The following PKHD1 variants were observed in gnomAD, a reference collection of about 807,000 sequenced individuals.
PKHD1 encodes the protein PKHD1 ciliary IPT domain containing fibrocystin/polyductin.
Under a neutral mutation model 412.0 loss-of-function variants are expected in PKHD1, and 291 were observed. The ratio of observed to expected loss-of-function variants is 0.71; its 90% CI spans 0.64 to 0.78. PKHD1 has a LOEUF of 0.78. Ranked by LOEUF, PKHD1 falls within the 30% of genes least tolerant of loss-of-function variation. PKHD1 has a pLI of 0.00. For synonymous variants in PKHD1, 1,777 were observed against 1,821.5 expected, an observed-to-expected ratio of 0.98 and a Z score of 0.62; for missense variants, 4,825 against 4,950.7, an observed-to-expected ratio of 0.97 and a Z score of 0.76.
At chr6:51,779,666 A>T (rs1791650763) in intron 53 of PKHD1, among the ~76,000 whole-genome samples, 1 of 152,176 alleles carries the variant, frequency 6.6e-6, no homozygotes, top group Non-Finnish European at 1.5e-5. Flanking sequence ...AGTAAATTAC[A>T]ACTTTTAAGC....
intron 35 of PKHD1, among the ~76,000 whole-genome samples, chr6:51,992,536 G>A (rs1378344101): frequency 6.6e-6 from 1 of 152,182 alleles, no homozygotes; most frequent in African/African-American, 2.4e-5. Flanking sequence ...CGCTGGCATG[G>A]CTCTCCCAAT....
intron 43 of PKHD1, 67 bp downstream of exon 43, chr6:51,903,530 C>G: frequency 7.0e-7 from 1 of 1,434,858 alleles, no homozygotes; most frequent in Admixed American, 1.7e-5. Context: ...AGGTTGGACA[C>G]CCCTGATTGA....
At chr6:51,642,704 G>A (rs1423438735) in intron 63 of PKHD1, among the ~76,000 whole-genome samples, 5 of 152,120 alleles carry the variant, frequency 3.3e-5, no homozygotes, top group African/African-American at 7.2e-5. Flanking sequence ...GCCAGGTGTG[G>A]TGGTGGGCAC....
At chr6:51,792,864 T>C (rs914104066) in intron 52 of PKHD1, among the ~76,000 whole-genome samples, 7 of 152,190 alleles carry the variant, frequency 4.6e-5, no homozygotes, top group Non-Finnish European at 7.4e-5. Context: ...TGACACCCTG[T>C]ACATACATCT....
intron 64 of PKHD1, among the ~76,000 whole-genome samples, chr6:51,635,936 AGG>A (rs1020049225): frequency 6.8e-6 from 1 of 147,794 alleles, no homozygotes; most frequent in Non-Finnish European, 1.5e-5. Context: ...GCAGCCCCTG[AGG>A]GCCTCCTGAG....
At chr6:51,839,821 G>A (rs887696473) in intron 50 of PKHD1, among the ~76,000 whole-genome samples, 1 of 151,198 alleles carries the variant, frequency 6.6e-6, no homozygotes, top group African/African-American at 2.4e-5. Context: ...CACATATTAG[G>A]ACCTCTCACT....
At chr6:51,923,973 G>T (rs763884351) in intron 37 of PKHD1, among the ~76,000 whole-genome samples, 21 of 152,164 alleles carry the variant, frequency 1.4e-4, no homozygotes, top group Non-Finnish European at 2.4e-4. Context: ...TCTCTAAAAT[G>T]AAAGTAACGA....
At chr6:51,671,217 T>C (rs1774909726) in intron 60 of PKHD1, among the ~76,000 whole-genome samples, 1 of 152,008 alleles carries the variant, frequency 6.6e-6, no homozygotes, top group Non-Finnish European at 1.5e-5. Context: ...TTTCACATAG[T>C]CCCATATTTC....
chr6:51,939,514 C>A (rs1788125434), intron 36 of PKHD1, among the ~76,000 whole-genome samples: 1 of 151,560 alleles, frequency 6.6e-6, no homozygotes. Context: ...TTTTCTTCTG[C>A]AATGCCACTT....
intron 43 of PKHD1, among the ~76,000 whole-genome samples, chr6:51,890,890 C>T (rs1297973021): frequency 6.6e-6 from 1 of 152,168 alleles, no homozygotes; most frequent in East Asian, 1.9e-4. Context: ...TGAGGACTGG[C>T]TTCTGACACA....
Position 51,616,040 on chromosome 6 carries a change from A to G in PKHD1, c.*3041T>C, listed in dbSNP as rs1766032892. 1 of 152,066 alleles carries G rather than the reference A, an allele frequency of 6.6e-6. No homozygotes were observed. Among genetic ancestry groups the G allele is most frequent in the Non-Finnish European group, 1.5e-5 (1 of 68,032 alleles). 9.4% of individuals were successfully genotyped at this position (152,066 alleles called of 1,614,324 possible). A position where few individuals can be genotyped will look rare whatever the true frequency, so the allele number is the denominator to read the frequency against. ...TACTTCTTTCTCAATTTTGAAATCTATAAATATTTATAGATGTTCTTTATT... is the reference window on the plus strand; with the variant it reads ...TACTTCTTTCTCAATTTTGAAATCTGTAAATATTTATAGATGTTCTTTATT... On this transcript the variant is annotated 3_prime_UTR_variant, in exon 67 of 67. Coordinates refer to ENST00000371117, the MANE Select transcript of PKHD1 (RefSeq NM_138694.4).
chr6:51,814,273 T>A (rs546551676), intron 52 of PKHD1, among the ~76,000 whole-genome samples: 1 of 152,326 alleles, frequency 6.6e-6, no homozygotes, highest in South Asian at 2.1e-4. Flanking sequence ...CAAGAAGAGT[T>A]ACTCTACGAT....
In PKHD1 at chr6:52,010,329, G is replaced by A. The variant is rs149553146; in HGVS notation, c.5731C>T (p.Arg1911Cys). 615 of 1,613,604 alleles carry A rather than the reference G, an allele frequency of 3.8e-4. No homozygotes were observed. The highest frequency in any genetic ancestry group is 4.9e-4 in the Non-Finnish European group (573 of 1,179,784). ...ITVKITEIRK[R>C]WGQNTQGNFS... is the part of the protein sequence containing the mutation. Reference sequence around the variant, plus strand: ...TATACCTGAGTGTTCTGGCCCCAGCGTTTCCGTATCTCAGTAATCTTGACG... The same window carrying A: ...TATACCTGAGTGTTCTGGCCCCAGCATTTCCGTATCTCAGTAATCTTGACG... The change falls in exon 35 of 67, where the codon CGC becomes TGC. Residue 1911 changes from arginine to cysteine, a missense_variant. Physicochemically the swap from Arg to Cys is radical, Grantham distance 180. Coordinates refer to ENST00000371117, the MANE Select transcript of PKHD1 (RefSeq NM_138694.4).
At chr6:51,667,102 T>C (rs979756659) in intron 60 of PKHD1, among the ~76,000 whole-genome samples, 12 of 147,964 alleles carry the variant, frequency 8.1e-5, no homozygotes, top group Non-Finnish European at 1.5e-5. Context: ...TAGTTCTAGA[T>C]CCCTGAGGAA....
At chr6:51,802,766 G>C (rs1344700771) in intron 52 of PKHD1, among the ~76,000 whole-genome samples, 1 of 151,150 alleles carries the variant, frequency 6.6e-6, no homozygotes, top group Non-Finnish European at 1.5e-5. Flanking sequence ...CTCCCCATCA[G>C]GTCTTTTTTG....
At position 51,748,827 on chromosome 6, in the gene PKHD1, T is replaced by C. The variant is rs116095491; in HGVS notation, c.8951-162A>G. On this transcript the variant is annotated intron_variant, in intron 57 of 66. Coordinates refer to ENST00000371117, the MANE Select transcript of PKHD1 (RefSeq NM_138694.4). ...CACCATAGATTCTCAACTAAAAATG[T>C]AGGAATCATTACAAGTATCACATTA... Among the ~76,000 whole-genome samples, 779 of 152,280 alleles carry C rather than the reference T, an allele frequency of 5.1e-3. 10 individuals are homozygous for C. Among genetic ancestry groups the C allele is most frequent in the African/African-American group, 0.017 (723 of 41,568 alleles).
chr6:51,857,927 A>T (rs1169112533), intron 48 of PKHD1, among the ~76,000 whole-genome samples: 1 of 152,210 alleles, frequency 6.6e-6, no homozygotes, highest in Non-Finnish European at 1.5e-5. Context: ...AGATTTCCCT[A>T]TGCAGCATTA....
chr6:51,734,594 T>C (rs945250094), intron 60 of PKHD1, among the ~76,000 whole-genome samples: 3 of 151,998 alleles, frequency 2.0e-5, no homozygotes, highest in African/African-American at 7.3e-5. Context: ...GTAATGGAGC[T>C]GAGCAACGGG....
chr6:52,028,032 A>T, intron 30 of PKHD1, 124 bp downstream of exon 30: 2 of 1,194,070 alleles, frequency 1.7e-6, no homozygotes, highest in Non-Finnish European at 2.5e-6. Flanking sequence ...CAATGTTATG[A>T]TGTTCATGTC....
Sources: gnomAD v4.1 joint callset for allele counts (sites outside exome capture counted in the v4.1 genomes callset) on GRCh38, gnomAD v4.1.1 for gene constraint, MANE v1.5 for transcripts, NCBI Gene and HGNC (gene_info 2026-07-23, HGNC 2026-07-21) for gene names.